Variants in FRMD6 observed in about 807,000 individuals in gnomAD.
FRMD6 encodes FERM domain containing 6.
Under a neutral mutation model 73.2 loss-of-function variants are expected in FRMD6, and 37 were observed. The ratio of observed to expected loss-of-function variants is 0.51; its 90% CI spans 0.39 to 0.66. FRMD6 has a LOEUF of 0.66. Among genes scored for constraint, FRMD6 ranks in the 30% least tolerant of loss-of-function variants. The pLI is 0.00. For synonymous variants in FRMD6, 273 were observed against 282.2 expected (o/e 0.97, Z 0.33); for missense variants, 714 against 780.5 (o/e 0.91, Z 1.02).
chr14:51,414,599 C>T, the FRMD6 span, among the ~76,000 whole-genome samples: 2 of 152,134 alleles, frequency 1.3e-5, no homozygotes, highest in African/African-American at 4.8e-5. Context: ...ATGCCTTCAG[C>T]TTTGTTCTTT....
chr14:51,492,293 C>G (rs1255025116), intron 1 of FRMD6, among the ~76,000 whole-genome samples: 2 of 152,054 alleles, frequency 1.3e-5, no homozygotes, highest in African/African-American at 4.8e-5. Flanking sequence ...ACCTGTTTGC[C>G]TGTGGTCCTA....
chr14:51,602,614 C>A (rs1315920123), intron 2 of FRMD6, among the ~76,000 whole-genome samples: 1 of 152,182 alleles, frequency 6.6e-6, no homozygotes, highest in East Asian at 1.9e-4. Context: ...GCTATGATGG[C>A]ATGGCTGAGT....
At chr14:51,530,247 C>T (rs577431700) in intron 1 of FRMD6, among the ~76,000 whole-genome samples, 1 of 152,290 alleles carries the variant, frequency 6.6e-6, no homozygotes, top group South Asian at 2.1e-4. Context: ...TGATGGGTTA[C>T]TGTAGCTCTC....
intron 1 of FRMD6, among the ~76,000 whole-genome samples, chr14:51,669,443 A>G (rs1431034933): frequency 3.9e-5 from 6 of 152,230 alleles, no homozygotes; most frequent in Admixed American, 3.3e-4. Flanking sequence ...ATTCATTTTC[A>G]AAGTGGCTGT....
At chr14:51,550,521 C>T (rs1555374764) in intron 1 of FRMD6, among the ~76,000 whole-genome samples, 2 of 152,034 alleles carry the variant, frequency 1.3e-5, no homozygotes, top group Non-Finnish European at 2.9e-5. Flanking sequence ...CCTCAGGAAG[C>T]TCTTCTCCTT....
intron 2 of FRMD6, chr14:51,638,083 G>C (rs967360049): frequency 1.3e-5 from 2 of 152,238 alleles, no homozygotes; most frequent in Non-Finnish European, 2.9e-5. Context: ...TTTGAGACCA[G>C]GACCAGCCTG....
the FRMD6 span, among the ~76,000 whole-genome samples, chr14:51,439,443 C>A: frequency 6.6e-6 from 1 of 152,170 alleles, no homozygotes; most frequent in East Asian, 1.9e-4. Context: ...AGGCTCTTTG[C>A]TTTATTCCAA....
At chr14:51,624,534 G>A (rs1042552300) in intron 2 of FRMD6, among the ~76,000 whole-genome samples, 5 of 152,122 alleles carry the variant, frequency 3.3e-5, no homozygotes, top group African/African-American at 1.2e-4. Context: ...TTTTAATACT[G>A]CTGACTTCCT....
At chr14:51,583,377 T>C (rs1888843908) in intron 2 of FRMD6, among the ~76,000 whole-genome samples, 1 of 152,232 alleles carries the variant, frequency 6.6e-6, no homozygotes, top group South Asian at 2.1e-4. Flanking sequence ...CACAAAGTCA[T>C]AGAAAATAGC....
At chr14:51,646,882 G>A (rs1216041747) in intron 2 of FRMD6, among the ~76,000 whole-genome samples, 2 of 151,786 alleles carry the variant, frequency 1.3e-5, no homozygotes, top group Non-Finnish European at 2.9e-5. Flanking sequence ...ACTCCAAGAC[G>A]CCAGTGTAAT....
At chr14:51,445,838 T>C in the FRMD6 span, among the ~76,000 whole-genome samples, 2 of 152,258 alleles carry the variant, frequency 1.3e-5, no homozygotes, top group Non-Finnish European at 2.9e-5. Flanking sequence ...TTACCCATAA[T>C]TAGCTCAATA....
intron 11 of FRMD6, chr14:51,720,653 ATTAG>A (rs1897504160): frequency 2.1e-6 from 1 of 468,938 alleles, no homozygotes; most frequent in South Asian, 2.3e-5. Context: ...TAGATTGGAA[ATTAG>A]TCCTGCTGCC....
chr14:51,727,086 T>C (rs1315063469), intron 13 of FRMD6, among the ~76,000 whole-genome samples: 1 of 151,984 alleles, frequency 6.6e-6, no homozygotes, highest in African/African-American at 2.4e-5. Context: ...CACCCCCGAC[T>C]CGTGTTCGGG....
chr14:51,412,990 A>ATTTTTTTTTTT, the FRMD6 span, among the ~76,000 whole-genome samples: 6 of 134,154 alleles, frequency 4.5e-5, no homozygotes, highest in African/African-American at 1.7e-4. Context: ...CCATAGTTAA[A>ATTTTTTTTTTT]TTTTTTTTTT....
chr14:51,610,749 T>G (rs1446356647), intron 2 of FRMD6, among the ~76,000 whole-genome samples: 1 of 152,204 alleles, frequency 6.6e-6, no homozygotes, highest in Non-Finnish European at 1.5e-5. Context: ...AAAAAGTATA[T>G]TTTCCCCAGG....
At chr14:51,502,463 C>G (rs1566780301) in intron 1 of FRMD6, among the ~76,000 whole-genome samples, 1 of 152,136 alleles carries the variant, frequency 6.6e-6, no homozygotes, top group Non-Finnish European at 1.5e-5. Flanking sequence ...GGAGTCTTTT[C>G]CCCATTGTTT....
chr14:51,677,293 A>G (rs1894456175), intron 1 of FRMD6, among the ~76,000 whole-genome samples: 1 of 152,114 alleles, frequency 6.6e-6, no homozygotes, highest in South Asian at 2.1e-4. Context: ...GAAGTATTTC[A>G]GGGGAAAATA....
At chr14:51,717,513 G>A (rs1897303757) in intron 10 of FRMD6, among the ~76,000 whole-genome samples, 1 of 152,106 alleles carries the variant, frequency 6.6e-6, no homozygotes. Flanking sequence ...ATTTATGATA[G>A]CAATTAGATT....
chr14:51,459,904 T>TTTTTTTTTTTTTTTTTTTTA, the FRMD6 span, among the ~76,000 whole-genome samples: 2 of 146,022 alleles, frequency 1.4e-5, no homozygotes, highest in East Asian at 2.0e-4. Flanking sequence ...TTTTTTTTTT[T>TTTTTTTTTTTTTTTTTTTTA]ACAAACTTCG....
Sources: allele counts gnomAD v4.1 joint callset (sites outside exome capture counted in the v4.1 genomes callset), GRCh38; gene constraint gnomAD v4.1.1; transcripts MANE v1.5; gene names NCBI Gene and HGNC (gene_info 2026-07-23, HGNC 2026-07-21).